The following AK2 variants were observed in gnomAD, a reference collection of about 807,000 sequenced individuals.
AK2 encodes the protein adenylate kinase 2, also known as adenylate kinase 2, mitochondrial.
AK2 carries 15 observed loss-of-function variants against 24.6 expected under a neutral mutation model. The ratio of observed to expected loss-of-function variants is 0.61; its 90% CI spans 0.41 to 0.94. The LOEUF (loss-of-function observed/expected upper bound fraction) is 0.94, where lower values mean the gene tolerates loss of function less well. AK2 is among the 40% of genes least tolerant of loss of function. The probability of loss-of-function intolerance (pLI) is 0.00; values close to 1 mark genes in which losing one functional copy is unlikely to be tolerated. For missense variants in AK2, 257 were observed against 304.1 expected, an observed-to-expected ratio of 0.85 and a Z score of 1.15; for synonymous variants, 102 against 114.0, an observed-to-expected ratio of 0.90 and a Z score of 0.67.
chr1:33,014,613 A>G lies in AK2; in HGVS notation c.426-19T>C. 3.7e-6 allele frequency: 6 copies of G among 1,602,792 alleles called. No homozygotes were observed. Among genetic ancestry groups the G allele is most frequent in the Non-Finnish European group, 5.1e-6 (6 of 1,171,252 alleles). On this transcript the variant is annotated intron_variant, in intron 4 of 5. Coordinates refer to ENST00000672715, the MANE Select transcript of AK2 (RefSeq NM_001625.4). ...AATCAGCCTGAAAGACAGCAAATGA[A>G]TATGAGTTAGGTTAACTGACAGTAC...
intron 1 of AK2, among the ~76,000 whole-genome samples, chr1:33,026,960 T>C (rs954668489): frequency 1.3e-5 from 2 of 151,616 alleles, no homozygotes; most frequent in Non-Finnish European, 2.9e-5. Flanking sequence ...ACCCCATCTC[T>C]ACTAAGAATA....
Position 33,012,686 on chromosome 1 carries a change from TAGG to T in AK2, c.*492_*494del, listed in dbSNP as rs1638901433. 1 of 1,228,266 alleles carries T rather than the reference TAGG, an allele frequency of 8.1e-7. No homozygotes were observed. Among genetic ancestry groups the T allele is most frequent in the African/African-American group, 1.5e-5 (1 of 64,596 alleles). The allele number at this position is 1,228,266 out of a possible 1,614,324, so 76.1% of individuals were successfully genotyped here. ...CCAAGGTGGGTGGATTGCTTAAGCCTAGGAGTTCAAGACCAGCCTGGGCAACTT... is the reference window on the plus strand; with the variant it reads ...CCAAGGTGGGTGGATTGCTTAAGCCTAGTTCAAGACCAGCCTGGGCAACTT... On this transcript the variant is annotated 3_prime_UTR_variant, in exon 6 of 6. Coordinates refer to ENST00000672715, the MANE Select transcript of AK2 (RefSeq NM_001625.4).
chr1:33,029,686 T>TA (rs2124372565), intron 1 of AK2: 1 of 152,468 alleles, frequency 6.6e-6, no homozygotes, highest in African/African-American at 2.4e-5. Flanking sequence ...GTGCTGGAAT[T>TA]ATAGGCACAA....
chr1:33,012,705 T>G lies in AK2; in HGVS notation c.*476A>C. 8.8e-7 allele frequency: 1 copy of G among 1,138,444 alleles called. No individual in the cohort carries two copies. Among genetic ancestry groups the G allele is most frequent in the Admixed American group, 2.3e-5 (1 of 43,282 alleles). 70.5% of individuals were successfully genotyped at this position (1,138,444 alleles called of 1,614,324 possible). On this transcript the variant is annotated 3_prime_UTR_variant, in exon 6 of 6. Transcript: ENST00000672715. The stretch of plus-strand genomic sequence containing the variant: ...TAAGCCTAGGAGTTCAAGACCAGCC[T>G]GGGCAACTTGGCAAAATCCTGTCTC...
intron 1 of AK2, among the ~76,000 whole-genome samples, chr1:33,035,503 T>G (rs1171201024): frequency 6.6e-6 from 1 of 152,140 alleles, no homozygotes; most frequent in Non-Finnish European, 1.5e-5. Context: ...GTCCTCAGAT[T>G]CCCTTTCATT....
chr1:33,011,139 T>G lies in AK2; in HGVS notation c.*2042A>C, dbSNP rs984667974. 2 of 1,386,560 alleles carry G rather than the reference T, an allele frequency of 1.4e-6. No individual in the cohort carries two copies. Among genetic ancestry groups the G allele is most frequent in the African/African-American group, 1.5e-5 (1 of 68,852 alleles). 85.9% of individuals were successfully genotyped at this position (1,386,560 alleles called of 1,614,324 possible). A position where few individuals can be genotyped will look rare whatever the true frequency, so the allele number is the denominator to read the frequency against. ...ATCTATGTGGACGGATGACAAATAT[T>G]TGGGCAAGGATCATGCACATAAAAT... On this transcript the variant is annotated 3_prime_UTR_variant, in exon 6 of 6. Transcript: ENST00000672715.
intron 4 of AK2, among the ~76,000 whole-genome samples, chr1:33,015,538 T>C (rs1639129639): frequency 6.6e-6 from 1 of 152,254 alleles, no homozygotes; most frequent in Non-Finnish European, 1.5e-5. Context: ...AATGGTTGCT[T>C]TTCTCATGAA....
chr1:33,027,951 C>T (rs760383873), intron 1 of AK2, among the ~76,000 whole-genome samples: 5 of 152,040 alleles, frequency 3.3e-5, no homozygotes, highest in Non-Finnish European at 7.4e-5. Context: ...TCAGTTTCCT[C>T]ATCAGTTTAA....
At position 33,008,451 on chromosome 1, in the gene AK2, C is replaced by T. The variant is rs1638609802; in HGVS notation, c.*4730G>A. 2 of 453,974 alleles carry T rather than the reference C, an allele frequency of 4.4e-6. No individual in the cohort carries two copies. Among genetic ancestry groups the T allele is most frequent in the Non-Finnish European group, 8.8e-6 (2 of 226,792 alleles). The allele number at this position is 453,974 out of a possible 1,614,324, so 28.1% of individuals were successfully genotyped here. A position where few individuals can be genotyped will look rare whatever the true frequency, so the allele number is the denominator to read the frequency against. On this transcript the variant is annotated 3_prime_UTR_variant, in exon 6 of 6. Coordinates refer to ENST00000672715, the MANE Select transcript of AK2 (RefSeq NM_001625.4). ...GAGATCCTAAGACACATACCCTAGG[C>T]CCTCAGAGCCGGCAGTGACTTCTTC...
intron 1 of AK2, among the ~76,000 whole-genome samples, chr1:33,033,528 CTT>C (rs1640381235): frequency 6.6e-6 from 1 of 152,108 alleles, no homozygotes; most frequent in South Asian, 2.1e-4. Flanking sequence ...ATAAAAGAAA[CTT>C]AAAATTATCA....
At position 33,026,262 on chromosome 1, in the gene AK2, G is replaced by A. The variant is rs139607382; in HGVS notation, c.94-1695C>T. The stretch of plus-strand genomic sequence containing the variant: ...CACCCAGGCTGGAGTGCAGTGGCAC[G>A]ATCACGGCTCACTGCAGCCACGAAC... On this transcript the variant is annotated intron_variant, in intron 1 of 5. Transcript: ENST00000672715. Among the ~76,000 whole-genome samples, 546 of 152,080 alleles carry A rather than the reference G, an allele frequency of 3.6e-3. 24 individuals carry two copies. The East Asian group carries it at 0.093, about 26-fold the overall frequency.
At chr1:33,018,926 G>A (rs1639358198) in intron 4 of AK2, among the ~76,000 whole-genome samples, 1 of 152,126 alleles carries the variant, frequency 6.6e-6, no homozygotes, top group Admixed American at 6.5e-5. Context: ...CATGAGTCCT[G>A]AACTCCGTCA....
Position 33,009,312 on chromosome 1 carries a change from C to G in AK2, c.*3869G>C. 2.2e-6 allele frequency: 1 copy of G among 454,038 alleles called. No individual in the cohort carries two copies. The highest frequency in any genetic ancestry group is 4.4e-6 in the Non-Finnish European group (1 of 226,786). The allele number at this position is 454,038 out of a possible 1,614,324, so 28.1% of individuals were successfully genotyped here. A position where few individuals can be genotyped will look rare whatever the true frequency, so the allele number is the denominator to read the frequency against. ...GAGAAATTATTTAAGCTCACTTTTGCTGGAGAGGAAATGAATTTAAACTAG... is the reference window on the plus strand; with the variant it reads ...GAGAAATTATTTAAGCTCACTTTTGGTGGAGAGGAAATGAATTTAAACTAG... On this transcript the variant is annotated 3_prime_UTR_variant, in exon 6 of 6. Coordinates refer to ENST00000672715, the MANE Select transcript of AK2 (RefSeq NM_001625.4).
At chr1:33,014,042 T>C (rs532477142) in intron 5 of AK2, among the ~76,000 whole-genome samples, 4 of 152,250 alleles carry the variant, frequency 2.6e-5, no homozygotes, top group African/African-American at 9.6e-5. Context: ...ACAAACCATA[T>C]AGACTCTTTA....
rs779654661 is a variant in AK2, at chr1:33,012,838, C to T, written c.*343G>A. On this transcript the variant is annotated 3_prime_UTR_variant, in exon 6 of 6. Transcript: ENST00000672715. ...CTTGAGCCCCAGGAGGCAGAGGTTGCCGTGAGCCAAGATCACGCCACTGCA... is the reference window on the plus strand; with the variant it reads ...CTTGAGCCCCAGGAGGCAGAGGTTGTCGTGAGCCAAGATCACGCCACTGCA... 3 of 1,252,462 alleles carry T rather than the reference C, an allele frequency of 2.4e-6. No individual in the cohort carries two copies. Among genetic ancestry groups the T allele is most frequent in the South Asian group, 1.2e-5 (1 of 80,064 alleles). 77.6% of individuals were successfully genotyped at this position (1,252,462 alleles called of 1,614,324 possible).
chr1:33,013,206 C>A lies in AK2; in HGVS notation c.695G>T (p.Cys232Phe). The A allele has an allele frequency of 6.2e-7, 1 of 1,613,942 alleles. No homozygotes were observed. Among genetic ancestry groups the A allele is most frequent in the African/African-American group, 1.3e-5 (1 of 75,000 alleles). ...SILAAFSKAT[C>F]KDLVMFI ...TTAGATAAACATAACCAAGTCTTTA[C>A]ATGTGGCTTTGGAGAAGGCTGCTAG... Residue 232 changes from cysteine (C) to phenylalanine (F), a missense_variant, in exon 6 of 6, where the codon TGT (cysteine) becomes TTT (phenylalanine). Cys to Phe is a radical substitution (Grantham distance 205). Coordinates refer to ENST00000672715, the MANE Select transcript of AK2 (RefSeq NM_001625.4).
At chr1:33,028,903 G>A (rs1377112957) in intron 1 of AK2, among the ~76,000 whole-genome samples, 1 of 152,196 alleles carries the variant, frequency 6.6e-6, no homozygotes, top group Non-Finnish European at 1.5e-5. Context: ...GGTACAGTAT[G>A]TGAAGCCCTG....
chr1:33,021,234 G>A, intron 4 of AK2, 133 bp downstream of exon 4: 1 of 818,698 alleles, frequency 1.2e-6, no homozygotes, highest in Non-Finnish European at 2.1e-6. Flanking sequence ...CACCACTTCA[G>A]CGGATGTCAC....
rs142365637 is a variant in AK2, at chr1:33,023,263, T to C, written c.219+1179A>G. 1.5e-4 allele frequency among the ~76,000 whole-genome samples: 23 copies of C among 152,252 alleles called. No homozygotes were observed. The East Asian group carries it at 3.9e-3, about 26-fold the overall frequency. On this transcript the variant is annotated intron_variant, in intron 2 of 5. Coordinates refer to ENST00000672715, the MANE Select transcript of AK2 (RefSeq NM_001625.4). ...ATTTGTCCAATCAGGTCAACTGGCC[T>C]AAAGAAGGAGAAAATGTGGCTGGGC...
Sources: gnomAD v4.1 joint callset for allele counts (sites outside exome capture counted in the v4.1 genomes callset) on GRCh38, gnomAD v4.1.1 for gene constraint, MANE v1.5 for transcripts, NCBI Gene and HGNC (gene_info 2026-07-23, HGNC 2026-07-21) for gene names.